TRIO: variants seen among roughly 807,000 people sequenced by gnomAD.
TRIO encodes the protein trio Rho guanine nucleotide exchange factor.
Under a neutral mutation model 351.9 loss-of-function variants are expected in TRIO, and 58 were observed. That is an observed-to-expected ratio of 0.16 (90% CI 0.13 to 0.21). The LOEUF (loss-of-function observed/expected upper bound fraction) is 0.21, where lower values mean the gene tolerates loss of function less well. TRIO is among the 10% of genes least tolerant of loss of function. The probability of loss-of-function intolerance (pLI) is 1.00; values close to 1 mark genes in which losing one functional copy is unlikely to be tolerated. For missense variants in TRIO, 3,201 were observed against 4,027.8 expected (o/e 0.79, Z 5.56); for synonymous variants, 1,758 against 1,595.7 (o/e 1.10, Z -2.42).
intron 34 of TRIO, among the ~76,000 whole-genome samples, chr5:14,449,145 G>T (rs895745950): frequency 6.6e-6 from 1 of 152,152 alleles, no homozygotes; most frequent in Admixed American, 6.5e-5. Context: ...TGACATCGTG[G>T]TTTTTAACAA....
intron 1 of TRIO, among the ~76,000 whole-genome samples, chr5:14,158,243 G>A (rs1259026200): frequency 2.0e-5 from 3 of 152,000 alleles, no homozygotes; most frequent in Non-Finnish European, 4.4e-5. Flanking sequence ...TGGCCAACGT[G>A]GTGAAACCCT....
intron 21 of TRIO, among the ~76,000 whole-genome samples, chr5:14,386,870 T>C (rs1301713337): frequency 6.6e-6 from 1 of 152,210 alleles, no homozygotes; most frequent in East Asian, 1.9e-4. Context: ...ACTAGTGAAT[T>C]TTCCTTCACA....
At chr5:14,305,723 G>T (rs904008446) in intron 8 of TRIO, among the ~76,000 whole-genome samples, 1 of 152,134 alleles carries the variant, frequency 6.6e-6, no homozygotes, top group Non-Finnish European at 1.5e-5. Flanking sequence ...ATATCCTTGG[G>T]CCTGCCTGTC....
chr5:14,378,669 C>A (rs183153013), intron 20 of TRIO, among the ~76,000 whole-genome samples: 2 of 151,904 alleles, frequency 1.3e-5, no homozygotes, highest in African/African-American at 4.8e-5. Context: ...AAGTGATTCT[C>A]CTGCCTCAGC....
At chr5:14,441,948 T>G (rs558665719) in intron 34 of TRIO, among the ~76,000 whole-genome samples, 3 of 152,324 alleles carry the variant, frequency 2.0e-5, no homozygotes, top group Admixed American at 2.0e-4. Context: ...AAGATGTGAT[T>G]CCTGCAAAGG....
chr5:14,333,672 A>G (rs1741119415), intron 10 of TRIO, among the ~76,000 whole-genome samples: 1 of 152,176 alleles, frequency 6.6e-6, no homozygotes, highest in African/African-American at 2.4e-5. Context: ...GCCCCTGGTC[A>G]TCTTTAGTGA....
intron 34 of TRIO, among the ~76,000 whole-genome samples, chr5:14,423,597 A>T (rs1277250952): frequency 6.6e-6 from 1 of 152,110 alleles, no homozygotes. Flanking sequence ...CGCCCTACAC[A>T]ATGGTCCCTG....
At chr5:14,219,949 A>G (rs549084071) in intron 1 of TRIO, among the ~76,000 whole-genome samples, 67 of 150,434 alleles carry the variant, frequency 4.5e-4, no homozygotes, top group Middle Eastern at 3.5e-3. Flanking sequence ...GTCAGTATAT[A>G]TAACACAAGT....
intron 20 of TRIO, among the ~76,000 whole-genome samples, chr5:14,379,383 G>GT (rs1221551677): frequency 3.3e-5 from 5 of 152,340 alleles, no homozygotes; most frequent in African/African-American, 1.2e-4. Context: ...TCTGAAAAAT[G>GT]TAAGTCTAGA....
At chr5:14,349,873 C>T (rs1742889788) in intron 11 of TRIO, among the ~76,000 whole-genome samples, 4 of 152,164 alleles carry the variant, frequency 2.6e-5, no homozygotes, top group Admixed American at 1.3e-4. Context: ...CCTTTTCCTC[C>T]TCCCAGCCTC....
At chr5:14,374,783 CAAAT>C (rs1282426651) in intron 19 of TRIO, among the ~76,000 whole-genome samples, 5 of 151,804 alleles carry the variant, frequency 3.3e-5, no homozygotes, top group Admixed American at 1.3e-4. Flanking sequence ...TTAATAAAAA[CAAAT>C]TGAAAAATAA....
chr5:14,370,871 A>G (rs1745045913), intron 18 of TRIO, among the ~76,000 whole-genome samples: 1 of 152,228 alleles, frequency 6.6e-6, no homozygotes, highest in Non-Finnish European at 1.5e-5. Flanking sequence ...TATGAAAGAA[A>G]AATGAATGCC....
intron 8 of TRIO, among the ~76,000 whole-genome samples, chr5:14,306,754 A>C (rs534629986): frequency 1.1e-4 from 16 of 152,320 alleles, no homozygotes. Flanking sequence ...TCCTCCAGCC[A>C]AGCTGGCTCT....
At chr5:14,455,625 G>C (rs568752620) in intron 34 of TRIO, among the ~76,000 whole-genome samples, 27 of 152,200 alleles carry the variant, frequency 1.8e-4, no homozygotes, top group Admixed American at 1.8e-3. Flanking sequence ...GCTAGACACA[G>C]AGTGCTGATT....
intron 1 of TRIO, among the ~76,000 whole-genome samples, chr5:14,195,868 T>A (rs970939024): frequency 1.3e-5 from 2 of 152,218 alleles, no homozygotes; most frequent in Admixed American, 1.3e-4. Flanking sequence ...CTTGCTTATT[T>A]TTTTTGTCTG....
At chr5:14,308,056 GC>G (rs1372622510) in intron 8 of TRIO, among the ~76,000 whole-genome samples, 1 of 152,014 alleles carries the variant, frequency 6.6e-6, no homozygotes, top group African/African-American at 2.4e-5. Context: ...TACTTTCCCT[GC>G]CTACCCTGGG....
At chr5:14,284,732 T>C (rs187413389) in intron 3 of TRIO, among the ~76,000 whole-genome samples, 4 of 152,306 alleles carry the variant, frequency 2.6e-5, no homozygotes, top group South Asian at 2.1e-4. Context: ...TATCTTGATA[T>C]GGTGAAGACT....
In TRIO at chr5:14,248,462, A is replaced by T. The variant is rs190785653; in HGVS notation, c.158-22363A>T. The stretch of plus-strand genomic sequence containing the variant: ...GTGATTTGATCCATTCGTTACTTGA[A>T]TGGTTAATTTTATGTTGACTGTGTG... On this transcript the variant is annotated intron_variant, in intron 1 of 56. Transcript: ENST00000344204. Among the ~76,000 whole-genome samples the T allele has an allele frequency of 3.3e-5, 5 of 152,338 alleles. 1 individual carries two copies. In the East Asian group the frequency reaches 9.6e-4, roughly 29 times the overall value.
chr5:14,308,612 A>G (rs1026611467), intron 8 of TRIO, among the ~76,000 whole-genome samples: 4 of 150,492 alleles, frequency 2.7e-5, no homozygotes, highest in African/African-American at 9.8e-5. Flanking sequence ...GCGTTCATTC[A>G]TCCATTCATC....
Sources: gnomAD v4.1 joint callset for allele counts (sites outside exome capture counted in the v4.1 genomes callset) on GRCh38, gnomAD v4.1.1 for gene constraint, MANE v1.5 for transcripts, NCBI Gene and HGNC (gene_info 2026-07-23, HGNC 2026-07-21) for gene names.